Variants in PAK5 observed in about 807,000 individuals in gnomAD.
The protein encoded by PAK5 is p21 (RAC1) activated kinase 5, also known as serine/threonine-protein kinase PAK 5.
A neutral mutation model predicts 65.9 loss-of-function variants in PAK5; 16 were observed. The ratio of observed to expected loss-of-function variants is 0.24; its 90% CI spans 0.16 to 0.37. The LOEUF (loss-of-function observed/expected upper bound fraction) is 0.37. PAK5 is among the 10% of genes least tolerant of loss of function. The pLI, the probability that PAK5 is intolerant of heterozygous loss-of-function variation, is 1.00. For missense variants in PAK5, 785 were observed against 903.9 expected (o/e 0.87, Z 1.69); for synonymous variants, 371 against 354.9 (o/e 1.05, Z -0.51).
chr20:9,614,942 C>T (rs219856), intron 3 of PAK5, among the ~76,000 whole-genome samples: 80,262 of 152,080 alleles, frequency 0.53, 22,267 homozygotes, highest in East Asian at 0.84. Context: ...TAACTTGTTA[C>T]TCTTAATCTA....
At chr20:9,823,286 G>A (rs1340547085) in intron 1 of PAK5, among the ~76,000 whole-genome samples, 3 of 152,122 alleles carry the variant, frequency 2.0e-5, no homozygotes, top group Non-Finnish European at 4.4e-5. Context: ...CTAGAACTAT[G>A]AGAAATAAAT....
intron 1 of PAK5, among the ~76,000 whole-genome samples, chr20:9,768,927 T>A (rs6077597): frequency 0.48 from 72,918 of 151,512 alleles, 18,131 homozygotes; most frequent in African/African-American, 0.61. Context: ...CCATAGTAAT[T>A]AAAAATTAAA....
In PAK5 at chr20:9,575,143, C is replaced by T. The variant is rs563951986; in HGVS notation, c.990+5002G>A. On this transcript the variant is annotated intron_variant, in intron 4 of 9. Coordinates refer to ENST00000353224, the MANE Select transcript of PAK5 (RefSeq NM_177990.4). The stretch of plus-strand genomic sequence containing the variant: ...CAGTGAAAACACATTGAACTGTTGA[C>T]CCCAGAAGGAAGTGCCGGGAAATCA... 4.9e-4 allele frequency among the ~76,000 whole-genome samples: 74 copies of T among 152,308 alleles called. 2 individuals are homozygous for T. Among genetic ancestry groups the T allele is most frequent in the African/African-American group, 1.6e-3 (66 of 41,560 alleles).
chr20:9,697,817 T>C (rs2047888937), intron 2 of PAK5, among the ~76,000 whole-genome samples: 1 of 152,134 alleles, frequency 6.6e-6, no homozygotes, highest in Admixed American at 6.6e-5. Flanking sequence ...AGTTGACTAT[T>C]GTTAGGCTGA....
intron 2 of PAK5, among the ~76,000 whole-genome samples, chr20:9,692,214 C>A (rs1050707731): frequency 6.6e-6 from 1 of 152,170 alleles, no homozygotes; most frequent in Non-Finnish European, 1.5e-5. Flanking sequence ...TCATCAGTAT[C>A]GCTTCTAACT....
chr20:9,720,179 C>G (rs2048197553), intron 1 of PAK5, among the ~76,000 whole-genome samples: 1 of 152,174 alleles, frequency 6.6e-6, no homozygotes, highest in Non-Finnish European at 1.5e-5. Context: ...TTCTTTAAAA[C>G]AGGGATTCTT....
At chr20:9,651,429 C>T (rs528493483) in intron 2 of PAK5, among the ~76,000 whole-genome samples, 1 of 152,194 alleles carries the variant, frequency 6.6e-6, no homozygotes, top group Non-Finnish European at 1.5e-5. Context: ...GGAGCAGCTA[C>T]TTGACCCCTA....
intron 3 of PAK5, among the ~76,000 whole-genome samples, chr20:9,607,049 A>G (rs1259307985): frequency 6.6e-6 from 1 of 152,214 alleles, no homozygotes; most frequent in Non-Finnish European, 1.5e-5. Context: ...GAAAGTCTAT[A>G]TTTCATATTC....
chr20:9,811,685 A>G (rs1052909908), intron 1 of PAK5, among the ~76,000 whole-genome samples: 3 of 152,216 alleles, frequency 2.0e-5, no homozygotes, highest in African/African-American at 7.2e-5. Context: ...GTAGTCCAGC[A>G]CTTGAATACA....
intron 1 of PAK5, among the ~76,000 whole-genome samples, chr20:9,793,469 G>A (rs1183724782): frequency 2.0e-5 from 3 of 152,082 alleles, no homozygotes; most frequent in Admixed American, 1.3e-4. Context: ...AAGTTCCAGA[G>A]GGAGAAAAAG....
rs1322441440 is a variant in PAK5 at position 9,677,075 on chromosome 20, G to T, written c.-11-32736C>A. On this transcript the variant is annotated intron_variant, in intron 2 of 9. Coordinates refer to ENST00000353224, the MANE Select transcript of PAK5 (RefSeq NM_177990.4). ...TGTGTGTGTGTGTGTGTGTGTGTGT[G>T]TGTGTGTGTGTGTTTGTTGTTATAA... Among the ~76,000 whole-genome samples, 73 of 100,938 alleles carry T rather than the reference G, an allele frequency of 7.2e-4. 1 individual carries two copies. Among genetic ancestry groups the T allele is most frequent in the Non-Finnish European group, 1.4e-3 (64 of 44,254 alleles). 66.2% of individuals were successfully genotyped at this position (100,938 alleles called of 152,430 possible).
At chr20:9,669,453 G>T (rs2047463930) in intron 2 of PAK5, among the ~76,000 whole-genome samples, 1 of 152,032 alleles carries the variant, frequency 6.6e-6, no homozygotes, top group South Asian at 2.1e-4. Context: ...ATATTTAGGT[G>T]CAATCATATC....
chr20:9,793,625 T>C (rs935808862), intron 1 of PAK5, among the ~76,000 whole-genome samples: 1 of 152,062 alleles, frequency 6.6e-6, no homozygotes, highest in Non-Finnish European at 1.5e-5. Flanking sequence ...AAAATCATAA[T>C]AAGATGCCAT....
chr20:9,595,003 A>C (rs2046237499), intron 3 of PAK5, among the ~76,000 whole-genome samples: 2 of 152,094 alleles, frequency 1.3e-5, no homozygotes, highest in East Asian at 3.9e-4. Context: ...ACACATATAC[A>C]CATACATTTA....
At chr20:9,825,716 A>G (rs742599) in intron 1 of PAK5, among the ~76,000 whole-genome samples, 3 of 152,054 alleles carry the variant, frequency 2.0e-5, no homozygotes, top group Non-Finnish European at 4.4e-5. Context: ...TTTAAATAAA[A>G]TTCATACCAG....
rs553618179 is a variant in PAK5 at position 9,759,719 on chromosome 20, C to T, written c.-161-48284G>A. 3.3e-5 allele frequency among the ~76,000 whole-genome samples: 5 copies of T among 152,180 alleles called. No individual in the cohort carries two copies. The South Asian group carries it at 1.0e-3, about 32-fold the overall frequency. ...CCATGCATGGGGCTTTTTTGAAACC[C>T]ACAACGTTTACCCAAACCCAGCTAC... is the stretch of plus-strand genomic sequence containing the variant. On this transcript the variant is annotated intron_variant, in intron 1 of 9. Transcript: ENST00000353224.
chr20:9,754,809 T>C (rs2048615272), intron 1 of PAK5, among the ~76,000 whole-genome samples: 1 of 152,168 alleles, frequency 6.6e-6, no homozygotes, highest in African/African-American at 2.4e-5. Flanking sequence ...ATAAGCAAGA[T>C]GGAGTTGGTT....
intron 5 of PAK5, among the ~76,000 whole-genome samples, chr20:9,563,547 G>A (rs527748818): frequency 3.9e-5 from 6 of 152,094 alleles, no homozygotes; most frequent in Non-Finnish European, 8.8e-5. Flanking sequence ...GAGATATTTG[G>A]GCTGAATTGA....
intron 1 of PAK5, among the ~76,000 whole-genome samples, chr20:9,767,735 G>T (rs1448476405): frequency 6.6e-6 from 1 of 152,132 alleles, no homozygotes; most frequent in Non-Finnish European, 1.5e-5. Context: ...TTCAGCCCAT[G>T]CAGGTCAGTG....
Sources: allele counts gnomAD v4.1 joint callset (sites outside exome capture counted in the v4.1 genomes callset), GRCh38; gene constraint gnomAD v4.1.1; transcripts MANE v1.5; gene names NCBI Gene and HGNC (gene_info 2026-07-23, HGNC 2026-07-21).